KIF5C: variants seen among roughly 807,000 people sequenced by gnomAD.
KIF5C encodes kinesin family member 5C.
KIF5C carries 18 observed loss-of-function variants against 125.2 expected under a neutral mutation model. That is an observed-to-expected ratio of 0.14 (90% CI 0.10 to 0.21). The LOEUF is 0.21. KIF5C is among the 10% of genes least tolerant of loss of function. The probability of loss-of-function intolerance (pLI) is 1.00; values close to 1 mark genes in which losing one functional copy is unlikely to be tolerated. For synonymous variants in KIF5C, 405 were observed against 434.0 expected, an observed-to-expected ratio of 0.93 and a Z score of 0.83; for missense variants, 780 against 1,183.8, an observed-to-expected ratio of 0.66 and a Z score of 5.01.
intron 10 of KIF5C, among the ~76,000 whole-genome samples, chr2:148,959,422 C>A (rs942186685): frequency 2.0e-5 from 3 of 151,948 alleles, no homozygotes; most frequent in African/African-American, 4.8e-5. Flanking sequence ...TACACAAACC[C>A]CTTAGGGTTT....
intron 1 of KIF5C, among the ~76,000 whole-genome samples, chr2:148,893,157 A>G (rs1188943075): frequency 6.6e-6 from 1 of 152,216 alleles, no homozygotes; most frequent in African/African-American, 2.4e-5. Flanking sequence ...TCACAAATGG[A>G]TCCTGAAGAC....
chr2:148,981,952 T>C (rs1332148274), intron 14 of KIF5C, among the ~76,000 whole-genome samples: 1 of 152,242 alleles, frequency 6.6e-6, no homozygotes, highest in Non-Finnish European at 1.5e-5. Context: ...GACGATCATA[T>C]GCTGCTTGCA....
At position 149,005,444 on chromosome 2, in the gene KIF5C, C is replaced by T. The variant is rs1453937333; in HGVS notation, c.2425C>T (p.Leu809=). ...HNLRKLFVQD[L]TTRVKKSVEL... ...CCTTCGGAAACTCTTTGTCCAGGAT[C>T]TGACCACCCGAGTTAAAAAAGTGAG... The change falls in exon 22 of 26, where the codon CTG becomes TTG. Residue 809 remains leucine (L), a synonymous_variant. Coordinates refer to ENST00000435030, the MANE Select transcript of KIF5C (RefSeq NM_004522.3). The T allele has an allele frequency of 6.2e-7, 1 of 1,613,866 alleles. No individual in the cohort carries two copies. Among genetic ancestry groups the T allele is most frequent in the East Asian group, 2.2e-5 (1 of 44,886 alleles).
At chr2:148,907,925 C>T (rs1681180415) in intron 1 of KIF5C, among the ~76,000 whole-genome samples, 1 of 152,236 alleles carries the variant, frequency 6.6e-6, no homozygotes, top group African/African-American at 2.4e-5. Context: ...TCATTGGGGT[C>T]ATCTGGAGAT....
At chr2:148,920,507 G>A (rs547943150) in intron 1 of KIF5C, among the ~76,000 whole-genome samples, 2 of 152,290 alleles carry the variant, frequency 1.3e-5, no homozygotes, top group East Asian at 1.9e-4. Context: ...ATCAGAAAAT[G>A]TTCTATTTCT....
chr2:148,977,008 G>A (rs2105152555), intron 12 of KIF5C, among the ~76,000 whole-genome samples: 1 of 152,314 alleles, frequency 6.6e-6, no homozygotes, highest in East Asian at 1.9e-4. Flanking sequence ...CATGTTCTAA[G>A]AGATGCAGTT....
intron 25 of KIF5C, among the ~76,000 whole-genome samples, chr2:149,017,612 A>G (rs968403480): frequency 8.5e-5 from 13 of 152,122 alleles, no homozygotes; most frequent in African/African-American, 3.1e-4. Flanking sequence ...GAAACCTTAG[A>G]TGTTTTCTGA....
intron 12 of KIF5C, among the ~76,000 whole-genome samples, chr2:148,974,934 T>C (rs977968687): frequency 2.6e-5 from 4 of 152,182 alleles, no homozygotes; most frequent in African/African-American, 9.7e-5. Context: ...AGAGAGAGAC[T>C]TTAGAGTCTC....
At chr2:148,885,097 A>T (rs1449551070) in intron 1 of KIF5C, among the ~76,000 whole-genome samples, 1 of 151,740 alleles carries the variant, frequency 6.6e-6, no homozygotes, top group Non-Finnish European at 1.5e-5. Flanking sequence ...GGTTCAAGCA[A>T]TTCTCAGCCT....
Position 148,875,575 on chromosome 2 carries a change from G to GGCCC in KIF5C, c.-43_-42insGCCC. On this transcript the variant is annotated 5_prime_UTR_variant, in exon 1 of 26. Transcript: ENST00000435030. ...TCCTCCCTCGTCGTTCCCGGCCCCG[G>GGCCC]CCCCCCACCCATCCCCGTGCCCCCT... 6.0e-5 allele frequency: 42 copies of GGCCC among 699,532 alleles called. No homozygotes were observed. Among genetic ancestry groups the GGCCC allele is most frequent in the East Asian group, 1.8e-4 (6 of 33,462 alleles). 43.3% of individuals were successfully genotyped at this position (699,532 alleles called of 1,614,324 possible).
At chr2:148,907,578 C>T (rs1253084676) in intron 1 of KIF5C, among the ~76,000 whole-genome samples, 1 of 152,210 alleles carries the variant, frequency 6.6e-6, no homozygotes, top group Non-Finnish European at 1.5e-5. Context: ...TGCAGCAAAT[C>T]TAATCTAGGA....
chr2:148,979,182 C>T (rs1681163267), intron 13 of KIF5C, among the ~76,000 whole-genome samples, 192 bp downstream of exon 13: 1 of 152,224 alleles, frequency 6.6e-6, no homozygotes, highest in African/African-American at 2.4e-5. Context: ...AAATGTCTGA[C>T]TTTCAAAAAC....
chr2:148,957,045 A>T (rs1682807263), intron 10 of KIF5C, among the ~76,000 whole-genome samples: 1 of 152,218 alleles, frequency 6.6e-6, no homozygotes. Flanking sequence ...TTGGTATCAC[A>T]ATTGCTGTAT....
intron 17 of KIF5C, among the ~76,000 whole-genome samples, chr2:148,994,847 G>T (rs1015130931): frequency 2.6e-5 from 4 of 151,872 alleles, no homozygotes; most frequent in African/African-American, 9.7e-5. Flanking sequence ...GACTATAGAT[G>T]CGTGTCACCA....
At chr2:148,967,170 TG>T (rs1680753648) in intron 11 of KIF5C, among the ~76,000 whole-genome samples, 3 of 152,202 alleles carry the variant, frequency 2.0e-5, no homozygotes, top group African/African-American at 7.2e-5. Context: ...CATGTGCATG[TG>T]GCTAAGGAGA....
intron 1 of KIF5C, among the ~76,000 whole-genome samples, chr2:148,912,493 T>C (rs1265367421): frequency 6.6e-6 from 1 of 152,222 alleles, no homozygotes; most frequent in East Asian, 1.9e-4. Flanking sequence ...GGCCCAGGCC[T>C]TAGTGCAGTG....
chr2:148,994,574 T>G (rs1490513401), intron 17 of KIF5C, 36 bp downstream of exon 17: 2 of 1,546,366 alleles, frequency 1.3e-6, no homozygotes, highest in African/African-American at 2.7e-5. Context: ...GTCAAACACC[T>G]GGCCTGAGTC....
intron 15 of KIF5C, among the ~76,000 whole-genome samples, chr2:148,989,473 A>G (rs1485710414): frequency 1.3e-5 from 2 of 152,086 alleles, no homozygotes; most frequent in African/African-American, 4.8e-5. Flanking sequence ...TTTTTCATGT[A>G]ATGACATCTT....
intron 12 of KIF5C, among the ~76,000 whole-genome samples, chr2:148,976,340 G>A (rs1681071721): frequency 6.6e-6 from 1 of 151,884 alleles, no homozygotes; most frequent in Non-Finnish European, 1.5e-5. Flanking sequence ...TGCGACCTCA[G>A]TGCACTGCAA....
Sources: gnomAD v4.1 joint callset for allele counts (sites outside exome capture counted in the v4.1 genomes callset) on GRCh38, gnomAD v4.1.1 for gene constraint, MANE v1.5 for transcripts, NCBI Gene and HGNC (gene_info 2026-07-23, HGNC 2026-07-21) for gene names.